The following FGFR2 variants were observed in gnomAD, a reference collection of about 807,000 sequenced individuals.
FGFR2 encodes BEK fibroblast growth factor receptor.
FGFR2 carries 19 observed loss-of-function variants against 95.9 expected under a neutral mutation model. The ratio of observed to expected loss-of-function variants is 0.20; its 90% CI spans 0.14 to 0.29. The LOEUF is 0.29. FGFR2 is among the 10% of genes least tolerant of loss of function. The probability of loss-of-function intolerance (pLI) is 1.00; values close to 1 mark genes in which losing one functional copy is unlikely to be tolerated. For synonymous variants in FGFR2, 392 were observed against 393.3 expected, an observed-to-expected ratio of 1.00 and a Z score of 0.04; for missense variants, 707 against 1,056.9, an observed-to-expected ratio of 0.67 and a Z score of 4.59.
chr10:121,534,261 G>A (rs920851661), intron 6 of FGFR2, among the ~76,000 whole-genome samples: 1 of 151,646 alleles, frequency 6.6e-6, no homozygotes, highest in Non-Finnish European at 1.5e-5. Context: ...ACCACCCCTG[G>A]GTAATTTTTG....
chr10:121,523,344 G>T (rs1174747680), intron 6 of FGFR2, among the ~76,000 whole-genome samples: 2 of 152,168 alleles, frequency 1.3e-5, no homozygotes, highest in East Asian at 3.9e-4. Context: ...CAATGACCCA[G>T]GGATGGGCCC....
chr10:121,514,983 G>T, intron 9 of FGFR2, 134 bp downstream of exon 9: 1 of 843,902 alleles, frequency 1.2e-6, no homozygotes, highest in East Asian at 2.5e-5. Flanking sequence ...CTGGGTGACC[G>T]CCAAGCATCA....
At position 121,534,155 on chromosome 10, in the gene FGFR2, A is replaced by G. The variant is rs1440825792; in HGVS notation, c.748+4437T>C. 7.8e-5 allele frequency among the ~76,000 whole-genome samples: 11 copies of G among 140,724 alleles called. No homozygotes were observed. In the South Asian group the frequency reaches 2.2e-3, roughly 28 times the overall value. The allele number at this position is 140,724 out of a possible 152,430, so 92.3% of individuals were successfully genotyped here. A position where few individuals can be genotyped will look rare whatever the true frequency, so the allele number is the denominator to read the frequency against. On this transcript the variant is annotated intron_variant, in intron 6 of 17. Coordinates refer to ENST00000358487, the MANE Select transcript of FGFR2 (RefSeq NM_000141.5). ...ACTTTGTCGCCCAGGCTGGAGTGCA[A>G]TGGCACAATCTCAGCTCACTGCAAC...
intron 9 of FGFR2, among the ~76,000 whole-genome samples, chr10:121,512,848 A>G (rs917830481): frequency 1.3e-5 from 2 of 152,176 alleles, no homozygotes; most frequent in African/African-American, 4.8e-5. Flanking sequence ...AGAGAGGAAA[A>G]AGGACCAACT....
In FGFR2 at chr10:121,590,722, T is replaced by C. The variant is rs376364248; in HGVS notation, c.109+2987A>G. Among the ~76,000 whole-genome samples, 9 of 152,272 alleles carry C rather than the reference T, an allele frequency of 5.9e-5. No homozygotes were observed. In the East Asian group the frequency reaches 1.7e-3, roughly 29 times the overall value. On this transcript the variant is annotated intron_variant, in intron 2 of 17. Coordinates refer to ENST00000358487, the MANE Select transcript of FGFR2 (RefSeq NM_000141.5). ...AGCCAAGATGACTAAACATAACCTT[T>C]CCCTGAGGGGCCAAAAGAAAAGGAC...
chr10:121,593,922 T>C lies in FGFR2; in HGVS notation c.-105A>G, dbSNP rs952340284. ...TGGACTACGCGCAATGCCTTCAGCC[T>C]GCGGTGGGCTCAGGAACCGAGGCGC... On this transcript the variant is annotated 5_prime_UTR_variant, in exon 2 of 18. Transcript: ENST00000358487. The C allele has an allele frequency of 9.4e-7, 1 of 1,062,660 alleles. No individual in the cohort carries two copies. The highest frequency in any genetic ancestry group is 1.5e-6 in the Non-Finnish European group (1 of 688,042). 65.8% of individuals were successfully genotyped at this position (1,062,660 alleles called of 1,614,324 possible).
At chr10:121,505,266 T>C (rs947902757) in intron 9 of FGFR2, among the ~76,000 whole-genome samples, 1 of 152,188 alleles carries the variant, frequency 6.6e-6, no homozygotes, top group African/African-American at 2.4e-5. Flanking sequence ...TGCCCAAGAA[T>C]AGATTAGGGG....
Position 121,479,394 on chromosome 10 carries a change from T to C in FGFR2, c.*463A>G, listed in dbSNP as rs373313930. On this transcript the variant is annotated 3_prime_UTR_variant, in exon 18 of 18. Coordinates refer to ENST00000358487, the MANE Select transcript of FGFR2 (RefSeq NM_000141.5). ...TTTTCTAGGTGCATTGGGACATCCA[T>C]TTAAAATCAATACAAAAAATAACTC... 4.2e-5 allele frequency: 14 copies of C among 330,756 alleles called. 1 individual carries two copies. Among genetic ancestry groups the C allele is most frequent in the Admixed American group, 9.6e-5 (2 of 20,892 alleles). 20.5% of individuals were successfully genotyped at this position (330,756 alleles called of 1,614,324 possible). A position where few individuals can be genotyped will look rare whatever the true frequency, so the allele number is the denominator to read the frequency against.
intron 3 of FGFR2, 51 bp downstream of exon 3, chr10:121,565,387 A>C (rs1590011670): frequency 6.2e-7 from 1 of 1,610,822 alleles, no homozygotes; most frequent in Non-Finnish European, 8.5e-7. Context: ...TGGCCAAAAA[A>C]ATGTAATGGC....
intron 15 of FGFR2, among the ~76,000 whole-genome samples, chr10:121,486,675 C>T (rs772653356): frequency 7.2e-5 from 11 of 152,182 alleles, no homozygotes; most frequent in Non-Finnish European, 1.5e-4. Flanking sequence ...CTCCTGACCT[C>T]GTGATCCACC....
chr10:121,580,983 C>T (rs1338160053), intron 2 of FGFR2, among the ~76,000 whole-genome samples: 3 of 152,162 alleles, frequency 2.0e-5, no homozygotes, highest in Non-Finnish European at 4.4e-5. Context: ...TGGGAGGAGG[C>T]AGAATCCCAT....
At chr10:121,533,326 G>C (rs1852347565) in intron 6 of FGFR2, among the ~76,000 whole-genome samples, 1 of 152,146 alleles carries the variant, frequency 6.6e-6, no homozygotes, top group African/African-American at 2.4e-5. Context: ...GGAGGCAGAG[G>C]TTTCAATGAG....
chr10:121,499,078 A>G (rs914849440), intron 11 of FGFR2, among the ~76,000 whole-genome samples: 3 of 152,182 alleles, frequency 2.0e-5, no homozygotes, highest in Non-Finnish European at 4.4e-5. Context: ...ACGGTTCCCC[A>G]TAAACAGGGC....
chr10:121,540,763 C>A (rs1247365438), intron 5 of FGFR2, among the ~76,000 whole-genome samples: 1 of 152,234 alleles, frequency 6.6e-6, no homozygotes, highest in Non-Finnish European at 1.5e-5. Flanking sequence ...ATATTCAGTT[C>A]TTTGAGCCCC....
At chr10:121,525,796 T>C (rs1311257797) in intron 6 of FGFR2, among the ~76,000 whole-genome samples, 1 of 152,166 alleles carries the variant, frequency 6.6e-6, no homozygotes, top group African/African-American at 2.4e-5. Context: ...CCATAAAAAA[T>C]GTCCACCGAG....
chr10:121,592,603 C>T (rs193091912), intron 2 of FGFR2, among the ~76,000 whole-genome samples: 3 of 152,226 alleles, frequency 2.0e-5, no homozygotes, highest in South Asian at 2.1e-4. Flanking sequence ...CTCAGATGGA[C>T]GCAACCCTCC....
rs148160244 is a variant in FGFR2 at position 121,553,767 on chromosome 10, T to G, written c.455-2308A>C. ...TTTTTACATAAAAGAAATCAACAGA[T>G]ATGTGCTTACATACCATTAGGCATG... On this transcript the variant is annotated intron_variant, in intron 4 of 17. Coordinates refer to ENST00000358487, the MANE Select transcript of FGFR2 (RefSeq NM_000141.5). Among the ~76,000 whole-genome samples the G allele has an allele frequency of 2.1e-3, 320 of 152,330 alleles. 2 individuals carry two copies. The highest frequency in any genetic ancestry group is 7.4e-3 in the African/African-American group (307 of 41,580).
rs1180653590 is a variant in FGFR2 at position 121,517,300 on chromosome 10, G to A, written c.1084+19C>T. ...CCAAGAAAAGGGAAAAAAACCCAGA[G>A]AGAAAGAACAGTATATACCTGGCAG... On this transcript the variant is annotated intron_variant, in intron 8 of 17. Transcript: ENST00000358487. This position sits in a 1 kb window ranked among gnomAD's most constrained non-coding sequence, Gnocchi z 4.7. 1.2e-6 allele frequency: 2 copies of A among 1,614,028 alleles called. No homozygotes were observed. The highest frequency in any genetic ancestry group is 1.7e-6 in the Non-Finnish European group (2 of 1,179,918).
At chr10:121,573,748 G>T (rs1350554304) in intron 2 of FGFR2, among the ~76,000 whole-genome samples, 1 of 152,104 alleles carries the variant, frequency 6.6e-6, no homozygotes, top group Non-Finnish European at 1.5e-5. Flanking sequence ...GTGGGTTGCA[G>T]GAAGAAACCC....
Sources: allele counts gnomAD v4.1 joint callset (sites outside exome capture counted in the v4.1 genomes callset), GRCh38; gene constraint gnomAD v4.1.1; non-coding constraint Gnocchi (gnomAD v3.1); transcripts MANE v1.5; gene names NCBI Gene and HGNC (gene_info 2026-07-23, HGNC 2026-07-21).